The following UGT1A5 variants were observed in gnomAD, a reference collection of about 807,000 sequenced individuals.
The protein encoded by UGT1A5 is UDP glucuronosyltransferase family 1 member A5.
Under a neutral mutation model 40.3 loss-of-function variants are expected in UGT1A5, and 29 were observed. That is an observed-to-expected ratio of 0.72 (90% confidence interval 0.54 to 0.98). The LOEUF (loss-of-function observed/expected upper bound fraction) is 0.98, where lower values mean the gene tolerates loss of function less well. Ranked by LOEUF, UGT1A5 falls within the 50% of genes least tolerant of loss-of-function variation. The pLI, the probability that UGT1A5 is intolerant of heterozygous loss-of-function variation, is 0.00. For synonymous variants in UGT1A5, 257 were observed against 262.5 expected, an observed-to-expected ratio of 0.98 and a Z score of 0.20; for missense variants, 678 against 677.9, an observed-to-expected ratio of 1.00 and a Z score of 0.00.
In UGT1A5 at chr2:233,713,632, T is replaced by G; in HGVS notation, c.641T>G (p.Met214Arg). 3.1e-6 allele frequency: 5 copies of G among 1,613,964 alleles called. No individual in the cohort carries two copies. The highest frequency in any genetic ancestry group is 3.4e-6 in the Non-Finnish European group (4 of 1,179,864). ...ACATTCCTGCAAAGGGTCAAGAACA[T>G]GCTCTACCCTCTGGCCCTGTCCTAC... ...HMTFLQRVKN[M>R]LYPLALSYLC... Residue 214 changes from methionine to arginine, a missense_variant, in exon 1 of 5, where the codon ATG becomes AGG. Coordinates refer to ENST00000373414, the MANE Select transcript of UGT1A5 (RefSeq NM_019078.2).
chr2:233,756,673 G>A (rs542273174), intron 1 of UGT1A5, among the ~76,000 whole-genome samples: 1 of 152,146 alleles, frequency 6.6e-6, no homozygotes, highest in Non-Finnish European at 1.5e-5. Flanking sequence ...ATTTCCGCTA[G>A]AACTGCTATA....
intron 1 of UGT1A5, among the ~76,000 whole-genome samples, chr2:233,759,447 C>G (rs1697141448): frequency 1.3e-5 from 2 of 152,254 alleles, no homozygotes; most frequent in Non-Finnish European, 2.9e-5. Context: ...TAAATCCAGG[C>G]CCAGTTAGCC....
At chr2:233,768,058 CTT>C in intron 3 of UGT1A5, 122 bp downstream of exon 3, 1 of 1,601,872 alleles carries the variant, frequency 6.2e-7, no homozygotes, top group East Asian at 2.2e-5. Context: ...TCCTACATTG[CTT>C]TTTATCTAGT....
chr2:233,760,460 T>C (rs2125984411), intron 1 of UGT1A5: 1 of 1,614,176 alleles, frequency 6.2e-7, no homozygotes. Flanking sequence ...CATGAAATAG[T>C]TGTCCTAGCA....
At chr2:233,748,150 A>T (rs1362576918) in intron 1 of UGT1A5, 1 of 1,604,682 alleles carries the variant, frequency 6.2e-7, no homozygotes, top group East Asian at 2.2e-5. Context: ...TTTACTTACA[A>T]TTGCTTCCAT....
intron 1 of UGT1A5, among the ~76,000 whole-genome samples, chr2:233,756,741 C>T (rs1366742518): frequency 6.6e-6 from 1 of 152,100 alleles, no homozygotes; most frequent in Admixed American, 6.6e-5. Context: ...TTCACCTCCT[C>T]CTTATTCTCT....
At chr2:233,736,459 C>T (rs1461778368) in intron 1 of UGT1A5, among the ~76,000 whole-genome samples, 1 of 152,202 alleles carries the variant, frequency 6.6e-6, no homozygotes, top group African/African-American at 2.4e-5. Flanking sequence ...TTCGAACATG[C>T]ACTTTTAGCT....
Position 233,713,063 on chromosome 2 carries a change from C to G in UGT1A5, c.72C>G (p.Pro24=). 1.2e-6 allele frequency: 2 copies of G among 1,614,158 alleles called. No individual in the cohort carries two copies. Among genetic ancestry groups the G allele is most frequent in the Non-Finnish European group, 1.7e-6 (2 of 1,180,030 alleles). The stretch of plus-strand genomic sequence containing the variant: ...TGCTGCTTCTCCTCAGTGTCCAGCC[C>G]TGGGCTGAGAGTGGGAAGGTGCTGG... ...TGLLLLLSVQ[P]WAESGKVLVV... The change falls in exon 1 of 5, where the codon CCC becomes CCG. Residue 24 remains proline, a synonymous_variant. Coordinates refer to ENST00000373414, the MANE Select transcript of UGT1A5 (RefSeq NM_019078.2).
chr2:233,722,716 GT>G (rs1305467466), intron 1 of UGT1A5, among the ~76,000 whole-genome samples: 12 of 151,988 alleles, frequency 7.9e-5, no homozygotes, highest in Non-Finnish European at 1.5e-5. Flanking sequence ...TTAAATATCA[GT>G]TTTTAAATTT....
At chr2:233,719,412 C>G in intron 1 of UGT1A5, 1 of 1,613,976 alleles carries the variant, frequency 6.2e-7, no homozygotes, top group South Asian at 1.1e-5. Context: ...TCCTAAGTTA[C>G]TAACGACCAA....
chr2:233,768,296 C>T lies in UGT1A5; in HGVS notation c.1164C>T (p.Pro388=), dbSNP rs763217521. 13 of 1,614,024 alleles carry T rather than the reference C, an allele frequency of 8.1e-6. No homozygotes were observed. In the African/African-American group the frequency reaches 1.1e-4, roughly 13 times the overall value. ...GVYESICNGV[P]MVMMPLFGDQ... is the part of the protein sequence containing the mutation. The stretch of plus-strand genomic sequence containing the variant: ...ATGAAAGCATATGCAATGGCGTTCC[C>T]ATGGTGATGATGCCCTTGTTTGGTG... Residue 388 remains proline (P), a synonymous_variant, in exon 4 of 5, where the codon CCC becomes CCT. Coordinates refer to ENST00000373414, the MANE Select transcript of UGT1A5 (RefSeq NM_019078.2).
At chr2:233,733,568 T>G (rs1265676895) in intron 1 of UGT1A5, among the ~76,000 whole-genome samples, 1 of 152,248 alleles carries the variant, frequency 6.6e-6, no homozygotes, top group Non-Finnish European at 1.5e-5. Flanking sequence ...GAAATAATCA[T>G]GTGGTTTGTC....
Position 233,718,785 on chromosome 2 carries a change from G to A in UGT1A5, c.867+4927G>A, listed in dbSNP as rs544842461. 94 of 1,613,086 alleles carry A rather than the reference G, an allele frequency of 5.8e-5. No homozygotes were observed. The East Asian group carries it at 1.3e-3, about 23-fold the overall frequency. On this transcript the variant is annotated intron_variant, in intron 1 of 4. Transcript: ENST00000373414. ...GAAACAAATGTAGCAGGCACAGCGTGGGGTGGACAGTCAGCTGTCGGTGGC... is the reference window on the plus strand; with the variant it reads ...GAAACAAATGTAGCAGGCACAGCGTAGGGTGGACAGTCAGCTGTCGGTGGC...
In UGT1A5 at chr2:233,713,468, G is replaced by A. The variant is rs1235260957; in HGVS notation, c.477G>A (p.Ala159=). 13 of 1,613,904 alleles carry A rather than the reference G, an allele frequency of 8.1e-6. No homozygotes were observed. The highest frequency in any genetic ancestry group is 4.5e-5 in the East Asian group (2 of 44,892). The change falls in exon 1 of 5, where the codon GCG becomes GCA. Residue 159 remains alanine, a synonymous_variant. Transcript: ENST00000373414. ...CAGACCCCTTTCACCTCTGCGCGGC[G>A]GTGCTGGCTAAGTACCTGTCGATTC... ...VLTDPFHLCA[A]VLAKYLSIPA...
intron 1 of UGT1A5, chr2:233,747,395 C>CA (rs1422981033): frequency 1.9e-6 from 3 of 1,606,350 alleles, no homozygotes; most frequent in Non-Finnish European, 2.6e-6. Context: ...CGGTGGTCCT[C>CA]ACCCCAGAGG....
At chr2:233,729,111 C>T (rs773243405) in intron 1 of UGT1A5, 49 of 1,612,868 alleles carry the variant, frequency 3.0e-5, no homozygotes, top group Non-Finnish European at 4.0e-5. Flanking sequence ...GTCAGCTGTC[C>T]GTGTCTTCTG....
intron 1 of UGT1A5, among the ~76,000 whole-genome samples, chr2:233,716,034 G>A (rs1575511735): frequency 6.6e-6 from 1 of 152,264 alleles, no homozygotes; most frequent in Non-Finnish European, 1.5e-5. Context: ...TTTGATGTCA[G>A]CATTCTGATT....
chr2:233,714,599 A>G (rs2076399470), intron 1 of UGT1A5, among the ~76,000 whole-genome samples: 1 of 152,252 alleles, frequency 6.6e-6, no homozygotes, highest in Non-Finnish European at 1.5e-5. Flanking sequence ...TCTAGTGGGC[A>G]TGTTAAACAC....
chr2:233,750,471 A>G (rs759933129), intron 1 of UGT1A5: 1 of 152,038 alleles, frequency 6.6e-6, no homozygotes, highest in African/African-American at 2.4e-5. Context: ...AATACTGGCT[A>G]TAGAAATTTG....
Sources: gnomAD v4.1 joint callset for allele counts (sites outside exome capture counted in the v4.1 genomes callset) on GRCh38, gnomAD v4.1.1 for gene constraint, MANE v1.5 for transcripts, NCBI Gene and HGNC (gene_info 2026-07-23, HGNC 2026-07-21) for gene names.